PGM5: variants seen among roughly 807,000 people sequenced by gnomAD.
The protein encoded by PGM5 is phosphoglucomutase 5, also known as phosphoglucomutase-like protein 5.
Under a neutral mutation model 59.2 loss-of-function variants are expected in PGM5, and 23 were observed. The ratio of observed to expected loss-of-function variants is 0.39; its 90% CI spans 0.28 to 0.55. The LOEUF is 0.55. Among genes scored for constraint, PGM5 ranks in the 20% least tolerant of loss-of-function variants. PGM5 has a pLI of 0.66. For missense variants in PGM5, 574 were observed against 748.3 expected (o/e 0.77, Z 2.72); for synonymous variants, 214 against 286.0 (o/e 0.75, Z 2.54).
At chr9:68,418,142 A>T (rs1316055313) in intron 6 of PGM5, among the ~76,000 whole-genome samples, 2 of 152,144 alleles carry the variant, frequency 1.3e-5, no homozygotes, top group Non-Finnish European at 2.9e-5. Context: ...ATGTCTTCCT[A>T]TAGTCACCTG....
In PGM5 at chr9:68,518,378, A is replaced by T. The variant is rs142316992; in HGVS notation, c.1615-11189A>T. 1.1e-3 allele frequency among the ~76,000 whole-genome samples: 163 copies of T among 152,368 alleles called. 6 individuals carry two copies. The East Asian group carries it at 0.029, about 27-fold the overall frequency. ...CAAAATGGGCACCAAACAATAAAAGATTATAAAGCACTTGGATACACAAAG... is the reference window on the plus strand; with the variant it reads ...CAAAATGGGCACCAAACAATAAAAGTTTATAAAGCACTTGGATACACAAAG... On this transcript the variant is annotated intron_variant, in intron 10 of 10. Transcript: ENST00000396396.
intron 10 of PGM5, among the ~76,000 whole-genome samples, chr9:68,522,483 A>G (rs1375205925): frequency 6.6e-6 from 1 of 152,200 alleles, no homozygotes; most frequent in Non-Finnish European, 1.5e-5. Flanking sequence ...CCTAGCAGGA[A>G]AGAGAAGGTG....
At chr9:68,392,605 T>A in intron 6 of PGM5, 132 bp downstream of exon 6, 1 of 1,411,132 alleles carries the variant, frequency 7.1e-7, no homozygotes, top group Non-Finnish European at 9.4e-7. Context: ...CACGGTATAG[T>A]GTACTGGGTA....
chr9:68,420,656 T>A (rs79430283), intron 6 of PGM5, among the ~76,000 whole-genome samples: 69 of 152,308 alleles, frequency 4.5e-4, no homozygotes, highest in African/African-American at 1.5e-3. Flanking sequence ...TATTAATCTA[T>A]GGCCAGATGT....
chr9:68,429,851 A>T (rs1172473945), intron 6 of PGM5, among the ~76,000 whole-genome samples: 1 of 152,014 alleles, frequency 6.6e-6, no homozygotes, highest in Admixed American at 6.6e-5. Flanking sequence ...CTTCTTAGCC[A>T]CTCTTCCATG....
intron 6 of PGM5, among the ~76,000 whole-genome samples, chr9:68,457,252 C>A (rs1554684970): frequency 6.6e-6 from 1 of 152,134 alleles, no homozygotes; most frequent in African/African-American, 2.4e-5. Flanking sequence ...TTAGACCCAA[C>A]TTATAGAATA....
At chr9:68,446,652 T>C (rs1231821248) in intron 6 of PGM5, among the ~76,000 whole-genome samples, 1 of 152,252 alleles carries the variant, frequency 6.6e-6, no homozygotes. Flanking sequence ...TACAGGTTTT[T>C]ATTCTTGCTT....
At chr9:68,447,996 T>G (rs1823641289) in intron 6 of PGM5, among the ~76,000 whole-genome samples, 1 of 152,172 alleles carries the variant, frequency 6.6e-6, no homozygotes, top group Non-Finnish European at 1.5e-5. Context: ...AGAAAGGGTT[T>G]GTTGCAAACC....
intron 6 of PGM5, among the ~76,000 whole-genome samples, chr9:68,445,888 G>A (rs1455000497): frequency 3.9e-5 from 6 of 152,188 alleles, no homozygotes; most frequent in African/African-American, 1.2e-4. Context: ...CCATGTATCT[G>A]GGGATCTCCA....
At chr9:68,504,365 C>G (rs1295725267) in intron 10 of PGM5, among the ~76,000 whole-genome samples, 1 of 152,146 alleles carries the variant, frequency 6.6e-6, no homozygotes, top group Admixed American at 6.5e-5. Context: ...AGAATCCTCC[C>G]CTCCACCTCA....
At chr9:68,519,338 T>A (rs1824864690) in intron 10 of PGM5, among the ~76,000 whole-genome samples, 1 of 152,130 alleles carries the variant, frequency 6.6e-6, no homozygotes, top group Non-Finnish European at 1.5e-5. Flanking sequence ...TTAATTAATA[T>A]GGAGAATTAA....
At chr9:68,465,529 C>A (rs1413342867) in intron 7 of PGM5, among the ~76,000 whole-genome samples, 1 of 152,068 alleles carries the variant, frequency 6.6e-6, no homozygotes, top group African/African-American at 2.4e-5. Flanking sequence ...ATCAATCTTC[C>A]TTTATCTCTA....
intron 7 of PGM5, among the ~76,000 whole-genome samples, chr9:68,478,365 G>T (rs1335404894): frequency 3.3e-5 from 5 of 152,132 alleles, no homozygotes; most frequent in African/African-American, 7.2e-5. Context: ...GCCCTAGCTT[G>T]GAATACGTCA....
intron 6 of PGM5, among the ~76,000 whole-genome samples, chr9:68,443,939 C>G (rs952098365): frequency 6.6e-6 from 1 of 152,146 alleles, no homozygotes; most frequent in Non-Finnish European, 1.5e-5. Flanking sequence ...AGGTAAAACC[C>G]AGACTGACAA....
At chr9:68,524,261 A>G (rs1411877249) in intron 10 of PGM5, among the ~76,000 whole-genome samples, 1 of 152,190 alleles carries the variant, frequency 6.6e-6, no homozygotes, top group Non-Finnish European at 1.5e-5. Context: ...TGTCCAAAAA[A>G]TTCATGATAA....
At chr9:68,522,268 T>C (rs1228541236) in intron 10 of PGM5, among the ~76,000 whole-genome samples, 2 of 152,124 alleles carry the variant, frequency 1.3e-5, no homozygotes, top group Non-Finnish European at 2.9e-5. Flanking sequence ...CTCTCTCTGA[T>C]GAAACTGAGA....
At chr9:68,466,146 T>C (rs1554685791) in intron 7 of PGM5, 1 of 1,300,380 alleles carries the variant, frequency 7.7e-7, no homozygotes, top group Non-Finnish European at 1.0e-6. Context: ...TCCCCTTTTT[T>C]CTTCTTGTGT....
chr9:68,395,086 A>G (rs1554679860), intron 6 of PGM5, among the ~76,000 whole-genome samples: 1 of 152,192 alleles, frequency 6.6e-6, no homozygotes, highest in South Asian at 2.1e-4. Context: ...TATTTTCTCC[A>G]TATTTTCTTC....
At chr9:68,496,644 T>A (rs1328987596) in intron 9 of PGM5, among the ~76,000 whole-genome samples, 1 of 152,222 alleles carries the variant, frequency 6.6e-6, no homozygotes, top group African/African-American at 2.4e-5. Context: ...GCATGTAGCA[T>A]GTAGTATAGT....
Sources: allele counts gnomAD v4.1 joint callset (sites outside exome capture counted in the v4.1 genomes callset), GRCh38; gene constraint gnomAD v4.1.1; transcripts MANE v1.5; gene names NCBI Gene and HGNC (gene_info 2026-07-23, HGNC 2026-07-21).